The following FGF14 variants were observed in gnomAD, a reference collection of about 807,000 sequenced individuals.
FGF14 encodes the protein fibroblast growth factor homologous factor 4.
FGF14 carries 5 observed loss-of-function variants against 25.5 expected under a neutral mutation model. The ratio of observed to expected loss-of-function variants is 0.20; its 90% CI spans 0.10 to 0.41. The LOEUF is 0.41. Among genes scored for constraint, FGF14 ranks in the 10% least tolerant of loss-of-function variants. The probability of loss-of-function intolerance (pLI) is 1.00; values close to 1 mark genes in which losing one functional copy is unlikely to be tolerated. For synonymous variants in FGF14, 138 were observed against 118.3 expected, an observed-to-expected ratio of 1.17 and a Z score of -1.08; for missense variants, 222 against 320.1, an observed-to-expected ratio of 0.69 and a Z score of 2.34.
chr13:101,905,696 TATAATA>T (rs377146842), intron 1 of FGF14, among the ~76,000 whole-genome samples: 1 of 152,010 alleles, frequency 6.6e-6, no homozygotes, highest in Non-Finnish European at 1.5e-5. Context: ...GAACTTAAAG[TATAATA>T]ATAATAATAA....
intron 1 of FGF14, among the ~76,000 whole-genome samples, chr13:102,311,102 G>A (rs1224366274): frequency 2.0e-5 from 3 of 152,044 alleles, no homozygotes; most frequent in East Asian, 3.9e-4. Context: ...AGACTGCTCC[G>A]TTGCACCCTC....
chr13:101,899,796 T>G (rs144341611), intron 1 of FGF14, among the ~76,000 whole-genome samples: 1 of 152,002 alleles, frequency 6.6e-6, no homozygotes, highest in Non-Finnish European at 1.5e-5. Flanking sequence ...TATAGAAAAA[T>G]TCACAATCAT....
chr13:102,168,562 A>G (rs550189608), intron 1 of FGF14, among the ~76,000 whole-genome samples: 13 of 152,308 alleles, frequency 8.5e-5, no homozygotes, highest in African/African-American at 3.1e-4. Flanking sequence ...CCCTTTGATT[A>G]ATGTGGTGTT....
At chr13:101,804,016 C>A (rs1175124146) in intron 3 of FGF14, among the ~76,000 whole-genome samples, 1 of 150,492 alleles carries the variant, frequency 6.6e-6, no homozygotes, top group Non-Finnish European at 1.5e-5. Flanking sequence ...AGATCAAGTT[C>A]GAAGGAACCA....
intron 3 of FGF14, among the ~76,000 whole-genome samples, chr13:101,839,656 A>C (rs2043104662): frequency 6.6e-6 from 1 of 151,858 alleles, no homozygotes; most frequent in Non-Finnish European, 1.5e-5. Context: ...TCAAATACAG[A>C]GTTTCCTTAT....
rs1010361622 is a variant in FGF14 at position 101,716,022 on chromosome 13, G to A, written c.*6809C>T. 2 of 230,742 alleles carry A rather than the reference G, an allele frequency of 8.7e-6. No homozygotes were observed. The highest frequency in any genetic ancestry group is 6.0e-5 in the South Asian group (1 of 16,658). 14.3% of individuals were successfully genotyped at this position (230,742 alleles called of 1,614,324 possible). ...GGCCAGGGATGCTGCTGAGCATCCC[G>A]CAGTGTACAGGACAGCCCCCAAACA... On this transcript the variant is annotated 3_prime_UTR_variant, in exon 5 of 5. Transcript: ENST00000376143.
At chr13:101,950,751 G>GTTTTTTTTTTTT (rs61285721) in intron 1 of FGF14, among the ~76,000 whole-genome samples, 27 of 131,974 alleles carry the variant, frequency 2.0e-4, no homozygotes, top group Non-Finnish European at 2.4e-4. Context: ...ACCTAATCAT[G>GTTTTTTTTTTTT]TTTTTTTTTT....
At position 101,851,890 on chromosome 13, in the gene FGF14, T is replaced by C. The variant is rs545375736; in HGVS notation, c.408+16835A>G. Among the ~76,000 whole-genome samples the C allele has an allele frequency of 8.5e-5, 13 of 152,248 alleles. No homozygotes were observed. The South Asian group carries it at 2.3e-3, about 27-fold the overall frequency. On this transcript the variant is annotated intron_variant, in intron 3 of 4. Transcript: ENST00000376143. The stretch of plus-strand genomic sequence containing the variant: ...ATATAATCAAGGACACCAAGCCCTC[T>C]GGCATTTCAAATATTTCAATTACTA...
At chr13:102,316,986 GC>G (rs1205397170) in intron 1 of FGF14, among the ~76,000 whole-genome samples, 5 of 151,970 alleles carry the variant, frequency 3.3e-5, no homozygotes, top group Non-Finnish European at 7.4e-5. Context: ...TGATTGTATG[GC>G]TTTTTTAGGC....
intron 3 of FGF14, among the ~76,000 whole-genome samples, chr13:101,823,920 ATC>A (rs2042282934): frequency 6.6e-6 from 1 of 151,510 alleles, no homozygotes; most frequent in South Asian, 2.1e-4. Flanking sequence ...TTTCTTAATA[ATC>A]AATTATAATA....
intron 3 of FGF14, among the ~76,000 whole-genome samples, chr13:101,817,648 G>A (rs2041908502): frequency 6.6e-6 from 1 of 152,160 alleles, no homozygotes; most frequent in African/African-American, 2.4e-5. Flanking sequence ...AAAAGTTGGA[G>A]AAATAAAGAG....
intron 3 of FGF14, among the ~76,000 whole-genome samples, chr13:101,844,958 A>T (rs1173568578): frequency 6.6e-6 from 1 of 152,040 alleles, no homozygotes; most frequent in Non-Finnish European, 1.5e-5. Context: ...GTTTCATTTC[A>T]GCTGACTGTC....
chr13:102,195,791 CAAA>C (rs1161228618), intron 1 of FGF14, among the ~76,000 whole-genome samples: 2 of 59,960 alleles, frequency 3.3e-5, no homozygotes, highest in Non-Finnish European at 7.5e-5. Flanking sequence ...GACCCAGTCT[CAAA>C]AAAAAAAAAA....
intron 1 of FGF14, among the ~76,000 whole-genome samples, chr13:102,010,419 T>C (rs1490810578): frequency 2.0e-5 from 3 of 152,182 alleles, no homozygotes; most frequent in African/African-American, 7.2e-5. Flanking sequence ...CCCACAGAGA[T>C]ACCAGAACTA....
chr13:102,229,641 C>G (rs1370391108), intron 1 of FGF14, among the ~76,000 whole-genome samples: 2 of 152,200 alleles, frequency 1.3e-5, no homozygotes, highest in African/African-American at 4.8e-5. Context: ...TCTAGTCCCT[C>G]CTCAGCCTCC....
chr13:102,087,285 G>T (rs925047678), intron 1 of FGF14, among the ~76,000 whole-genome samples: 2 of 152,042 alleles, frequency 1.3e-5, no homozygotes, highest in African/African-American at 2.4e-5. Context: ...AGTCAGTGAA[G>T]CATCAGGGAA....
chr13:101,832,340 ATGTGTGAGC>A (rs1268975420), intron 3 of FGF14, among the ~76,000 whole-genome samples: 2 of 152,106 alleles, frequency 1.3e-5, no homozygotes, highest in Non-Finnish European at 1.5e-5. Context: ...AGAAGCATCA[ATGTGTGAGC>A]ATCAGTGTCT....
At chr13:102,181,798 C>T (rs1045005618) in intron 1 of FGF14, among the ~76,000 whole-genome samples, 3 of 152,050 alleles carry the variant, frequency 2.0e-5, no homozygotes, top group African/African-American at 7.2e-5. Context: ...CTGCCAAATC[C>T]CTTTTACCAT....
At chr13:102,330,114 C>A (rs926638886) in intron 1 of FGF14, among the ~76,000 whole-genome samples, 1 of 152,194 alleles carries the variant, frequency 6.6e-6, no homozygotes, top group Non-Finnish European at 1.5e-5. Context: ...GTCACTCTAA[C>A]CCTCTTCTAG....
Sources: gnomAD v4.1 joint callset for allele counts (sites outside exome capture counted in the v4.1 genomes callset) on GRCh38, gnomAD v4.1.1 for gene constraint, MANE v1.5 for transcripts, NCBI Gene and HGNC (gene_info 2026-07-23, HGNC 2026-07-21) for gene names.